TENM1: variants seen among roughly 807,000 people sequenced by gnomAD.
The protein encoded by TENM1 is teneurin transmembrane protein 1.
TENM1 carries 35 observed loss-of-function variants against 174.8 expected under a neutral mutation model. The observed-to-expected ratio is 0.20, with a 90% confidence interval of 0.15 to 0.27. The LOEUF (loss-of-function observed/expected upper bound fraction) is 0.27, where lower values mean the gene tolerates loss of function less well. TENM1 is among the 10% of genes least tolerant of loss of function. The pLI is 1.00. For missense variants in TENM1, 1,633 were observed against 2,130.1 expected, an observed-to-expected ratio of 0.77 and a Z score of 4.59; for synonymous variants, 781 against 798.7, an observed-to-expected ratio of 0.98 and a Z score of 0.37.
the TENM1 span, among the ~76,000 whole-genome samples, chrX:125,158,958 T>C: frequency 5.4e-5 from 6 of 110,247 alleles, no homozygotes; most frequent in African/African-American, 1.7e-4. Flanking sequence ...AAACAAGTGC[T>C]TACTTAAAGA....
chrX:124,867,228 C>T (rs958244491), intron 3 of TENM1, among the ~76,000 whole-genome samples: 4 of 111,315 alleles, frequency 3.6e-5, no homozygotes, highest in East Asian at 2.8e-4. Context: ...AATATTGATG[C>T]AAAAATCTTC....
intron 4 of TENM1, among the ~76,000 whole-genome samples, chrX:124,716,575 T>C (rs746489220): frequency 2.3e-3 from 255 of 112,163 alleles, no homozygotes; most frequent in African/African-American, 8.1e-3. Context: ...GAAATGTCCA[T>C]TGATGGTTCA....
At chrX:124,552,308 C>A (rs1462821728) in intron 14 of TENM1, among the ~76,000 whole-genome samples, 1 of 111,676 alleles carries the variant, frequency 9.0e-6, no homozygotes, top group Non-Finnish European at 1.9e-5. Flanking sequence ...CTAAAGCAGG[C>A]CTCCTACTAG....
chrX:124,446,449 C>T, intron 23 of TENM1, among the ~76,000 whole-genome samples: 1 of 112,429 alleles, frequency 8.9e-6, no homozygotes, highest in Non-Finnish European at 1.9e-5. Flanking sequence ...TAAGTGGTAG[C>T]AGTTATTCTT....
the TENM1 span, among the ~76,000 whole-genome samples, chrX:125,001,588 A>G: frequency 9.0e-6 from 1 of 110,872 alleles, no homozygotes; most frequent in African/African-American, 3.3e-5. Context: ...GGAGGCTAGA[A>G]ACTTAGTTAT....
intron 4 of TENM1, among the ~76,000 whole-genome samples, chrX:124,727,758 A>G (rs1290198202): frequency 9.0e-6 from 1 of 111,478 alleles, no homozygotes; most frequent in Non-Finnish European, 1.9e-5. Context: ...TGGACATGGG[A>G]AGAAGAGAAA....
At chrX:124,551,342 G>A (rs748084598) in intron 14 of TENM1, among the ~76,000 whole-genome samples, 27 of 111,362 alleles carry the variant, frequency 2.4e-4, no homozygotes, top group African/African-American at 7.5e-4. Context: ...GTAGACAACC[G>A]CATGGTGGTT....
chrX:124,378,849 C>T (rs1335164525), exon 32 of TENM1: 1 of 111,992 alleles, frequency 8.9e-6, no homozygotes, highest in Non-Finnish European at 1.9e-5. Context: ...AGGCAATGAC[C>T]CCACACTGCA....
the TENM1 span, among the ~76,000 whole-genome samples, chrX:125,154,783 G>T: frequency 2.7e-5 from 3 of 109,841 alleles, no homozygotes; most frequent in Non-Finnish European, 5.7e-5. Context: ...GAGTGAAGCT[G>T]CAGACTTTCG....
At chrX:125,045,743 A>T in the TENM1 span, among the ~76,000 whole-genome samples, 2 of 112,149 alleles carry the variant, frequency 1.8e-5, no homozygotes, top group South Asian at 7.3e-4. Context: ...CAATTAAGAC[A>T]GTGAATAATC....
chrX:124,903,356 T>C (rs189406522), intron 1 of TENM1, among the ~76,000 whole-genome samples: 19 of 111,428 alleles, frequency 1.7e-4, no homozygotes, highest in African/African-American at 5.9e-4. Context: ...AAAAAAAGGA[T>C]GCTCTCAGGA....
chrX:125,148,453 T>C, the TENM1 span, among the ~76,000 whole-genome samples: 1 of 111,352 alleles, frequency 9.0e-6, no homozygotes, highest in Non-Finnish European at 1.9e-5. Flanking sequence ...TTAAAACCCA[T>C]CCCCCCTACA....
At chrX:124,935,281 T>G (rs1353059260) in intron 1 of TENM1, among the ~76,000 whole-genome samples, 1 of 109,304 alleles carries the variant, frequency 9.1e-6, no homozygotes, top group Non-Finnish European at 1.9e-5. Flanking sequence ...GCATAAAATA[T>G]TCTGTGGCCA....
the TENM1 span, among the ~76,000 whole-genome samples, chrX:125,069,343 A>G: frequency 9.0e-6 from 1 of 111,654 alleles, no homozygotes; most frequent in Non-Finnish European, 1.9e-5. Flanking sequence ...CTTTCTTTCT[A>G]TGGATGCATG....
the TENM1 span, among the ~76,000 whole-genome samples, chrX:125,012,730 G>A: frequency 8.9e-6 from 1 of 111,790 alleles, no homozygotes; most frequent in Non-Finnish European, 1.9e-5. Context: ...ATTAGCTTTT[G>A]TTATACTTAA....
intron 24 of TENM1, among the ~76,000 whole-genome samples, chrX:124,421,614 CTTT>C (rs34110361): frequency 3.2e-5 from 3 of 95,003 alleles, no homozygotes; most frequent in Admixed American, 1.1e-4. Flanking sequence ...GGAGAAGGCT[CTTT>C]TTTTTTTTTT....
chrX:124,953,793 A>T (rs1183695426), intron 1 of TENM1, among the ~76,000 whole-genome samples: 2 of 112,154 alleles, frequency 1.8e-5, no homozygotes, highest in Non-Finnish European at 3.8e-5. Flanking sequence ...CATTTGGTGA[A>T]GAGTTATTTA....
At chrX:124,738,981 A>G (rs2148555187) in intron 3 of TENM1, among the ~76,000 whole-genome samples, 1 of 112,264 alleles carries the variant, frequency 8.9e-6, no homozygotes, top group South Asian at 3.7e-4. Flanking sequence ...AGATTTAGAG[A>G]CAAAGAATTG....
chrX:124,819,560 T>A lies in TENM1; in HGVS notation c.535+74736A>T, dbSNP rs1471290319. Reference sequence around the variant, plus strand: ...TACTACAAAATTGTGCAAATCAAACTTTACCAATAGTGGCTCTTCCTCAGG... The same window carrying A: ...TACTACAAAATTGTGCAAATCAAACATTACCAATAGTGGCTCTTCCTCAGG... On this transcript the variant is annotated intron_variant, in intron 3 of 31. Transcript: ENST00000422452. 2.7e-5 allele frequency among the ~76,000 whole-genome samples: 3 copies of A among 110,431 alleles called. No homozygotes were observed. In the East Asian group the frequency reaches 8.5e-4, roughly 31 times the overall value.
Sources: allele counts gnomAD v4.1 joint callset (sites outside exome capture counted in the v4.1 genomes callset), GRCh38; gene constraint gnomAD v4.1.1; transcripts MANE v1.5; gene names NCBI Gene and HGNC (gene_info 2026-07-23, HGNC 2026-07-21).